CMBL: variants seen among roughly 807,000 people sequenced by gnomAD.
The protein encoded by CMBL is carboxymethylenebutenolidase homolog (Pseudomonas).
CMBL carries 17 observed loss-of-function variants against 28.7 expected under a neutral mutation model. The ratio of observed to expected loss-of-function variants is 0.59; its 90% confidence interval spans 0.41 to 0.89. CMBL has a LOEUF of 0.89. CMBL is among the 40% of genes least tolerant of loss of function. CMBL has a pLI of 0.00. For missense variants in CMBL, 310 were observed against 298.5 expected, an observed-to-expected ratio of 1.04 and a Z score of -0.28; for synonymous variants, 106 against 101.6, an observed-to-expected ratio of 1.04 and a Z score of -0.26.
chr5:10,286,531 C>T (rs1746607699), intron 3 of CMBL, 35 bp from the exon 4 acceptor site: 3 of 1,598,800 alleles, frequency 1.9e-6, no homozygotes, highest in African/African-American at 1.3e-5. Context: ...AAGAATCAGG[C>T]TTATTTTGTG....
At chr5:10,290,875 A>G in intron 1 of CMBL, 94 bp from the exon 2 acceptor site, 3 of 963,644 alleles carry the variant, frequency 3.1e-6, no homozygotes, top group Non-Finnish European at 3.1e-6. Flanking sequence ...ATAGAAAAAA[A>G]TTCATTTTAG....
rs1746886552 is a variant in CMBL, at chr5:10,300,836, T to C, written c.-20+6789A>G. On this transcript the variant is annotated intron_variant, in intron 1 of 5. Transcript: ENST00000296658. ...TTTATTTATTTTTTATATATTTATTTATATATATTTATATTTTTTATATAT... is the reference window on the plus strand; with the variant it reads ...TTTATTTATTTTTTATATATTTATTCATATATATTTATATTTTTTATATAT... Among the ~76,000 whole-genome samples the C allele has an allele frequency of 7.5e-5, 11 of 147,490 alleles. No homozygotes were observed. The South Asian group carries it at 2.3e-3, about 31-fold the overall frequency.
chr5:10,307,337 A>T (rs1747017144), intron 1 of CMBL: 1 of 152,250 alleles, frequency 6.6e-6, no homozygotes, highest in African/African-American at 2.4e-5. Context: ...AAGTTTGCAT[A>T]CGGTGTGATT....
intron 1 of CMBL, among the ~76,000 whole-genome samples, chr5:10,301,505 G>A (rs192515624): frequency 2.6e-5 from 4 of 151,334 alleles, no homozygotes; most frequent in East Asian, 3.9e-4. Flanking sequence ...GGGTGGGGGC[G>A]CGTGGGGCAG....
chr5:10,293,292 C>T lies in CMBL; in HGVS notation c.-19-2511G>A, dbSNP rs189284180. Among the ~76,000 whole-genome samples, 9 of 152,334 alleles carry T rather than the reference C, an allele frequency of 5.9e-5. No homozygotes were observed. In the East Asian group the frequency reaches 1.5e-3, roughly 26 times the overall value. On this transcript the variant is annotated intron_variant, in intron 1 of 5. Coordinates refer to ENST00000296658, the MANE Select transcript of CMBL (RefSeq NM_138809.4). ...AGCTCATAAATGCAGAGGTTTATTT[C>T]TTACAGTCCTGGAGGCTGGGAAGTC... is the stretch of plus-strand genomic sequence containing the variant.
chr5:10,297,589 A>G (rs1256269702), intron 1 of CMBL, among the ~76,000 whole-genome samples: 2 of 149,370 alleles, frequency 1.3e-5, no homozygotes, highest in African/African-American at 4.9e-5. Flanking sequence ...AAAAAAAAAG[A>G]GCAAAGAGAC....
chr5:10,297,540 G>A (rs1182957522), intron 1 of CMBL, among the ~76,000 whole-genome samples: 1 of 143,268 alleles, frequency 7.0e-6, no homozygotes, highest in Non-Finnish European at 1.5e-5. Context: ...TTTCACTCCA[G>A]CCCGGACAAG....
chr5:10,289,603 GC>G lies in CMBL; in HGVS notation c.215+944del, dbSNP rs1191639901. ...CTGCCAGGAGGACTAAGGGCAATGA[GC>G]CCAGTCATGCCCTCAGCACTGCGTC... On this transcript the variant is annotated intron_variant, in intron 2 of 5. Coordinates refer to ENST00000296658, the MANE Select transcript of CMBL (RefSeq NM_138809.4). This position sits in a 1 kb window ranked among gnomAD's most constrained non-coding sequence, Gnocchi z 4.3. Among the ~76,000 whole-genome samples, 1 of 152,208 alleles carries G rather than the reference GC, an allele frequency of 6.6e-6. No individual in the cohort carries two copies. The highest frequency in any genetic ancestry group is 1.5e-5 in the Non-Finnish European group (1 of 68,034).
intron 1 of CMBL, among the ~76,000 whole-genome samples, chr5:10,295,445 C>T (rs759928255): frequency 6.6e-5 from 10 of 152,152 alleles, no homozygotes; most frequent in Non-Finnish European, 1.2e-4. Flanking sequence ...AAAATGTGAA[C>T]TGTCAATGTC....
At chr5:10,294,408 T>G (rs1746775308) in intron 1 of CMBL, among the ~76,000 whole-genome samples, 1 of 151,630 alleles carries the variant, frequency 6.6e-6, no homozygotes, top group South Asian at 2.1e-4. Flanking sequence ...AAAAAAAAAT[T>G]CAAAACTTAA....
chr5:10,280,706 C>G, intron 5 of CMBL, 74 bp from the exon 6 acceptor site: 2 of 1,274,026 alleles, frequency 1.6e-6, no homozygotes, highest in Non-Finnish European at 2.2e-6. Context: ...AGTGAGCGTT[C>G]ATAACAGAAA....
Position 10,280,636 on chromosome 5 carries a change from G to C in CMBL, c.559-4C>G, listed in dbSNP as rs775339636. ...ACTTCTGAGTCAGCAAAGATACCTG[G>C]TGTGCAAAAGATTTCATGATTTTAA... On this transcript the variant is annotated splice_polypyrimidine_tract_variant and splice_region_variant and intron_variant, in intron 5 of 5. Coordinates refer to ENST00000296658, the MANE Select transcript of CMBL (RefSeq NM_138809.4). 1.1e-5 allele frequency: 17 copies of C among 1,591,782 alleles called. No individual in the cohort carries two copies. Among genetic ancestry groups the C allele is most frequent in the Non-Finnish European group, 1.4e-5 (16 of 1,162,128 alleles).
chr5:10,295,091 T>G (rs1746785823), intron 1 of CMBL, among the ~76,000 whole-genome samples: 1 of 152,022 alleles, frequency 6.6e-6, no homozygotes, highest in South Asian at 2.1e-4. Flanking sequence ...GCTGATTTTT[T>G]TTTTTTTTTG....
chr5:10,278,605 T>C lies in CMBL; in HGVS notation c.*1848A>G, dbSNP rs904181366. ...GTTCTCCACCTTCTGGTTGAGCCCA[T>C]GTGTCCTGAATGGCTCCCCCTTTTT... is the stretch of plus-strand genomic sequence containing the variant. On this transcript the variant is annotated 3_prime_UTR_variant, in exon 6 of 6. Transcript: ENST00000296658. Among the ~76,000 whole-genome samples, 2 of 152,088 alleles carry C rather than the reference T, an allele frequency of 1.3e-5. No individual in the cohort carries two copies. Among genetic ancestry groups the C allele is most frequent in the Non-Finnish European group, 2.9e-5 (2 of 68,004 alleles).
intron 1 of CMBL, among the ~76,000 whole-genome samples, chr5:10,305,538 C>T (rs1398581814): frequency 1.3e-5 from 2 of 151,932 alleles, no homozygotes; most frequent in Admixed American, 1.3e-4. Context: ...CACATCAAAA[C>T]CCATGGGGAT....
intron 2 of CMBL, 60 bp from the exon 3 acceptor site, chr5:10,288,589 T>A (rs901531212): frequency 7.7e-7 from 1 of 1,297,906 alleles, no homozygotes; most frequent in Non-Finnish European, 1.1e-6. Context: ...AGTATTTTGC[T>A]TGCATTTATT....
intron 4 of CMBL, among the ~76,000 whole-genome samples, chr5:10,284,850 G>A (rs1397802118): frequency 1.3e-5 from 2 of 152,144 alleles, no homozygotes; most frequent in Admixed American, 1.3e-4. Flanking sequence ...TGGTCTGAAT[G>A]CTTCTATATC....
At chr5:10,290,420 T>C (rs943401915) in intron 2 of CMBL, 128 bp downstream of exon 2, 3 of 720,326 alleles carry the variant, frequency 4.2e-6, no homozygotes, top group Non-Finnish European at 7.0e-6. Context: ...GGCAGTGAGA[T>C]AGGGAAGTTT....
chr5:10,297,460 C>G (rs764510267), intron 1 of CMBL, among the ~76,000 whole-genome samples: 2 of 151,358 alleles, frequency 1.3e-5, no homozygotes, highest in Non-Finnish European at 2.9e-5. Context: ...ATCCCAGATA[C>G]TTGGGAGGCT....
Sources: allele counts gnomAD v4.1 joint callset (sites outside exome capture counted in the v4.1 genomes callset), GRCh38; gene constraint gnomAD v4.1.1; non-coding constraint Gnocchi (gnomAD v3.1); transcripts MANE v1.5; gene names NCBI Gene and HGNC (gene_info 2026-07-23, HGNC 2026-07-21).